RMDN2: variants seen among roughly 807,000 people sequenced by gnomAD.
RMDN2 encodes the protein regulator of microtubule dynamics protein 2.
In RMDN2, 61 loss-of-function variants were observed where a neutral mutation model predicts 52.8. That is an observed-to-expected ratio of 1.16 (90% confidence interval 0.94 to 1.43). The LOEUF is 1.43. RMDN2 is among the 40% of genes most tolerant of loss of function. The probability of loss-of-function intolerance (pLI) is 0.00; values close to 1 mark genes in which losing one functional copy is unlikely to be tolerated. For synonymous variants in RMDN2, 180 were observed against 153.1 expected (o/e 1.18, Z -1.30); for missense variants, 592 against 475.3 (o/e 1.25, Z -2.28).
chr2:37,922,561 CA>C (rs1413824538), upstream of RMDN2, among the ~76,000 whole-genome samples: 11 of 152,226 alleles, frequency 7.2e-5, 2 homozygotes, highest in South Asian at 2.3e-3. Context: ...GCCAGGTTCC[CA>C]AGATACAAAG....
chr2:37,979,973 A>G (rs1056963326), intron 4 of RMDN2, among the ~76,000 whole-genome samples: 1 of 151,992 alleles, frequency 6.6e-6, no homozygotes, highest in Admixed American at 6.5e-5. Context: ...TCACTTTTTA[A>G]TTGTTTCCAA....
intron 2 of RMDN2, among the ~76,000 whole-genome samples, chr2:37,964,572 TTAAC>T (rs1266316594): frequency 1.3e-5 from 2 of 152,224 alleles, no homozygotes; most frequent in Non-Finnish European, 2.9e-5. Context: ...TGTTTGTAAA[TTAAC>T]TAAGACTTAT....
At chr2:37,942,532 C>T (rs987928411) in intron 2 of RMDN2, among the ~76,000 whole-genome samples, 1 of 152,030 alleles carries the variant, frequency 6.6e-6, no homozygotes, top group African/African-American at 2.4e-5. Flanking sequence ...ACCAAGTTAC[C>T]ATCCTATGAG....
At chr2:37,965,009 G>T (rs565091327) in intron 2 of RMDN2, among the ~76,000 whole-genome samples, 1 of 151,940 alleles carries the variant, frequency 6.6e-6, no homozygotes, top group Admixed American at 6.5e-5. Context: ...TACAATTTTT[G>T]ACTTAAAGTC....
At chr2:37,940,914 T>C (rs1341558266) in intron 2 of RMDN2, among the ~76,000 whole-genome samples, 1 of 152,256 alleles carries the variant, frequency 6.6e-6, no homozygotes, top group Admixed American at 6.5e-5. Flanking sequence ...ACTCATTCTC[T>C]GTCCAGTTTT....
At chr2:38,001,366 T>C (rs748283041) in intron 8 of RMDN2, among the ~76,000 whole-genome samples, 3 of 152,180 alleles carry the variant, frequency 2.0e-5, no homozygotes, top group Admixed American at 6.5e-5. Flanking sequence ...TGCCTCATCA[T>C]TGGAACATTA....
At chr2:37,942,859 T>C (rs879485329) in intron 2 of RMDN2, among the ~76,000 whole-genome samples, 2 of 152,184 alleles carry the variant, frequency 1.3e-5, no homozygotes, top group African/African-American at 4.8e-5. Flanking sequence ...GTAAAACAGA[T>C]TTTTTAAAAG....
At chr2:37,949,835 T>C (rs1424102299) in intron 2 of RMDN2, 1 of 153,270 alleles carries the variant, frequency 6.5e-6, no homozygotes, top group Non-Finnish European at 1.5e-5. Context: ...ATAGCCCAAA[T>C]TGGTTTAGAT....
intron 2 of RMDN2, 31 bp from the exon 3 acceptor site, chr2:37,974,009 A>G (rs1278929027): frequency 6.4e-7 from 1 of 1,557,740 alleles, no homozygotes; most frequent in South Asian, 1.1e-5. Context: ...TTAACTTTCA[A>G]AGGAGTTGAT....
downstream of RMDN2, among the ~76,000 whole-genome samples, chr2:38,022,049 A>G (rs1388545763): frequency 6.6e-6 from 1 of 152,290 alleles, no homozygotes; most frequent in Non-Finnish European, 1.5e-5. Context: ...ATAACTTGTC[A>G]CAGACCTTTC....
At chr2:37,967,691 A>G (rs775251733) in intron 2 of RMDN2, among the ~76,000 whole-genome samples, 8 of 152,234 alleles carry the variant, frequency 5.3e-5, no homozygotes, top group Non-Finnish European at 1.0e-4. Context: ...ACTCCTGCTC[A>G]TTCCTCTCAT....
At chr2:38,039,086 A>G (rs1285356164) in intron 10 of RMDN2, among the ~76,000 whole-genome samples, 1 of 119,280 alleles carries the variant, frequency 8.4e-6, no homozygotes, top group Non-Finnish European at 1.9e-5. Flanking sequence ...ACACACACAC[A>G]CACACACAGA....
At chr2:37,965,210 A>G (rs182125023) in intron 2 of RMDN2, among the ~76,000 whole-genome samples, 13 of 152,244 alleles carry the variant, frequency 8.5e-5, no homozygotes, top group Non-Finnish European at 1.0e-4. Flanking sequence ...TGAGGAATTT[A>G]ATCCCATTTA....
chr2:37,932,116 A>C (rs1198965756), intron 2 of RMDN2, among the ~76,000 whole-genome samples: 1 of 149,188 alleles, frequency 6.7e-6, no homozygotes, highest in Non-Finnish European at 1.5e-5. Context: ...GCAGAGGGGG[A>C]TTTGGCAGGG....
chr2:38,037,704 T>A (rs147691212), intron 10 of RMDN2, among the ~76,000 whole-genome samples: 5 of 152,208 alleles, frequency 3.3e-5, no homozygotes, highest in Non-Finnish European at 5.9e-5. Flanking sequence ...GTGTTCGGCT[T>A]CCCGTTGGCT....
At chr2:37,971,587 G>A (rs1671815598) in intron 2 of RMDN2, among the ~76,000 whole-genome samples, 1 of 151,884 alleles carries the variant, frequency 6.6e-6, no homozygotes, top group Non-Finnish European at 1.5e-5. Flanking sequence ...TTTCCATAGA[G>A]ATAACAATTT....
At chr2:37,948,406 C>T (rs892221413) in intron 2 of RMDN2, among the ~76,000 whole-genome samples, 1 of 151,976 alleles carries the variant, frequency 6.6e-6, no homozygotes, top group Non-Finnish European at 1.5e-5. Context: ...GAATACTGAC[C>T]TAGGTGAGAA....
chr2:37,926,461 G>A (rs1666285433), intron 1 of RMDN2, among the ~76,000 whole-genome samples: 1 of 151,972 alleles, frequency 6.6e-6, no homozygotes, highest in African/African-American at 2.4e-5. Flanking sequence ...TTAATTAAGT[G>A]CCATAATCTA....
chr2:38,003,589 T>C (rs1225219160), intron 8 of RMDN2, among the ~76,000 whole-genome samples: 42 of 151,726 alleles, frequency 2.8e-4, no homozygotes, highest in East Asian at 9.7e-4. Context: ...GATAGATAGA[T>C]AGATAGATAG....
Sources: gnomAD v4.1 joint callset for allele counts (sites outside exome capture counted in the v4.1 genomes callset) on GRCh38, gnomAD v4.1.1 for gene constraint, MANE v1.5 for transcripts, NCBI Gene and HGNC (gene_info 2026-07-23, HGNC 2026-07-21) for gene names.